Variants in CYS1 observed in about 807,000 individuals in gnomAD.
CYS1 encodes the protein cystin 1.
CYS1 carries 5 observed loss-of-function variants against 9.6 expected under a neutral mutation model. The observed-to-expected ratio is 0.52, with a 90% CI of 0.27 to 1.10. CYS1 has a LOEUF of 1.10. Among genes scored for constraint, CYS1 ranks in the 50% least tolerant of loss-of-function variants. The probability of loss-of-function intolerance (pLI) is 0.11; values close to 1 mark genes in which losing one functional copy is unlikely to be tolerated. For missense variants in CYS1, 221 were observed against 207.9 expected (o/e 1.06, Z -0.39); for synonymous variants, 88 against 95.7 (o/e 0.92, Z 0.47).
intron 1 of CYS1, among the ~76,000 whole-genome samples, chr2:10,073,303 G>A (rs1222687520): frequency 6.6e-6 from 1 of 150,612 alleles, no homozygotes; most frequent in Non-Finnish European, 1.5e-5. Context: ...AAGCCACAGG[G>A]AAAAAGGCAA....
chr2:10,073,803 A>T (rs562210585), intron 1 of CYS1, among the ~76,000 whole-genome samples: 3 of 152,168 alleles, frequency 2.0e-5, no homozygotes, highest in African/African-American at 7.2e-5. Flanking sequence ...TTTCCACGGC[A>T]TTTCTACACC....
chr2:10,079,264 G>T (rs1407086876), intron 1 of CYS1, among the ~76,000 whole-genome samples: 1 of 152,016 alleles, frequency 6.6e-6, no homozygotes, highest in African/African-American at 2.4e-5. Context: ...AAGCCTCCCG[G>T]GCCTCAGGGA....
At chr2:10,078,348 G>A (rs1661888772) in intron 1 of CYS1, among the ~76,000 whole-genome samples, 1 of 152,144 alleles carries the variant, frequency 6.6e-6, no homozygotes, top group Non-Finnish European at 1.5e-5. Context: ...AGTTGTCGGT[G>A]TGACGTTCCT....
intron 1 of CYS1, among the ~76,000 whole-genome samples, chr2:10,078,271 C>A (rs981204856): frequency 1.3e-5 from 2 of 152,172 alleles, no homozygotes; most frequent in Admixed American, 1.3e-4. Context: ...ATTGCAGACT[C>A]CCCCACCCAC....
intron 2 of CYS1, among the ~76,000 whole-genome samples, chr2:10,062,659 T>A (rs1661643354): frequency 6.6e-6 from 1 of 152,186 alleles, no homozygotes; most frequent in African/African-American, 2.4e-5. Context: ...CACCTCAGCC[T>A]CCCAAAGTGC....
intron 1 of CYS1, among the ~76,000 whole-genome samples, chr2:10,072,478 C>T (rs1053605947): frequency 1.3e-5 from 2 of 152,236 alleles, no homozygotes; most frequent in African/African-American, 4.8e-5. Flanking sequence ...CTTCCATTAA[C>T]TCTTAATTTT....
intron 1 of CYS1, among the ~76,000 whole-genome samples, chr2:10,079,594 G>T (rs1661909384): frequency 6.6e-6 from 1 of 151,918 alleles, no homozygotes; most frequent in Non-Finnish European, 1.5e-5. Context: ...CCCGCTCCAG[G>T]GCGGCCCGGG....
intron 1 of CYS1, among the ~76,000 whole-genome samples, chr2:10,070,890 C>A (rs565754878): frequency 3.9e-5 from 6 of 152,198 alleles, no homozygotes; most frequent in Non-Finnish European, 5.9e-5. Context: ...GCGATCCCCC[C>A]ACCTCGGCCT....
intron 1 of CYS1, among the ~76,000 whole-genome samples, chr2:10,068,759 G>T (rs79075836): frequency 0.03 from 4,571 of 152,248 alleles, 220 homozygotes; most frequent in African/African-American, 0.1. Context: ...ATTTAAAGGG[G>T]GAGGGCACAT....
At chr2:10,071,264 G>A (rs1412360458) in intron 1 of CYS1, among the ~76,000 whole-genome samples, 1 of 152,204 alleles carries the variant, frequency 6.6e-6, no homozygotes, top group South Asian at 2.1e-4. Flanking sequence ...ACCGTGCCCG[G>A]CTCTGAGAAC....
rs1229738732 is a variant in CYS1, at chr2:10,063,681, C to T, written c.371+2223G>A. Among the ~76,000 whole-genome samples, 1 of 152,132 alleles carries T rather than the reference C, an allele frequency of 6.6e-6. No individual in the cohort carries two copies. Among genetic ancestry groups the T allele is most frequent in the Non-Finnish European group, 1.5e-5 (1 of 68,024 alleles). On this transcript the variant is annotated intron_variant, in intron 2 of 2. Coordinates refer to ENST00000381813, the MANE Select transcript of CYS1 (RefSeq NM_001037160.3). This position sits in a 1 kb window ranked among gnomAD's most constrained non-coding sequence, Gnocchi z 4.2. ...AGCCACAGGGTGAGGCACTGGTACCCAAGAGCTGCACGCTGGGGGGCTGAG... is the reference window on the plus strand; with the variant it reads ...AGCCACAGGGTGAGGCACTGGTACCTAAGAGCTGCACGCTGGGGGGCTGAG...
At position 10,080,017 on chromosome 2, in the gene CYS1, C is replaced by G; in HGVS notation, c.207G>C (p.Glu69Asp). The change falls in exon 1 of 3, where the codon GAG becomes GAC. Residue 69 changes from glutamate (E) to aspartate (D), a missense_variant. Glu to Asp is a conservative substitution (Grantham distance 45). Coordinates refer to ENST00000381813, the MANE Select transcript of CYS1 (RefSeq NM_001037160.3). The surrounding 1 kb of genome is among the most constrained non-coding windows in gnomAD (Gnocchi z 6.4). Reference sequence around the variant, plus strand: ...GCAGCTCGTCCAGCAGGCGCAGCGTCTCGTCCCTGCCGTCGGGGGGCGCCA... The same window carrying G: ...GCAGCTCGTCCAGCAGGCGCAGCGTGTCGTCCCTGCCGTCGGGGGGCGCCA... The part of the protein sequence containing the change: ...SPVAPPDGRD[E>D]TLRLLDELLA... 1.9e-6 allele frequency: 2 copies of G among 1,077,510 alleles called. No homozygotes were observed. The highest frequency in any genetic ancestry group is 4.3e-5 in the South Asian group (1 of 23,052). 66.7% of individuals were successfully genotyped at this position (1,077,510 alleles called of 1,614,324 possible).
intron 1 of CYS1, among the ~76,000 whole-genome samples, chr2:10,067,648 C>A (rs1490814963): frequency 6.6e-6 from 1 of 152,098 alleles, no homozygotes. Flanking sequence ...CTCAAACAAT[C>A]CTCCCATCTC....
chr2:10,071,396 C>G (rs1465807996), intron 1 of CYS1, among the ~76,000 whole-genome samples: 1 of 152,228 alleles, frequency 6.6e-6, no homozygotes, highest in Non-Finnish European at 1.5e-5. Context: ...CTTGGAATGC[C>G]TGGCGTAGGG....
chr2:10,059,297 C>T lies in CYS1; in HGVS notation c.372-339G>A, dbSNP rs548406149. Reference sequence around the variant, plus strand: ...GCAAGGCCAGTGTGTCTCCGAGCCTCGGTGTTTTTTCTCAAGCACGTAACT... The same window carrying T: ...GCAAGGCCAGTGTGTCTCCGAGCCTTGGTGTTTTTTCTCAAGCACGTAACT... On this transcript the variant is annotated intron_variant, in intron 2 of 2. Coordinates refer to ENST00000381813, the MANE Select transcript of CYS1 (RefSeq NM_001037160.3). Among the ~76,000 whole-genome samples, 11 of 152,378 alleles carry T rather than the reference C, an allele frequency of 7.2e-5. No homozygotes were observed. In the South Asian group the frequency reaches 1.4e-3, roughly 20 times the overall value.
chr2:10,058,419 A>G lies in CYS1; in HGVS notation c.*434T>C. On this transcript the variant is annotated 3_prime_UTR_variant, in exon 3 of 3. Coordinates refer to ENST00000381813, the MANE Select transcript of CYS1 (RefSeq NM_001037160.3). ...CCCTGGAGAGATGGGCCCGAGACTG[A>G]GGGAGCAGCGCGGGTGCACCTTCCA... 1 of 159,358 alleles carries G rather than the reference A, an allele frequency of 6.3e-6. No homozygotes were observed. The highest frequency in any genetic ancestry group is 1.4e-5 in the Non-Finnish European group (1 of 72,592). The allele number at this position is 159,358 out of a possible 1,614,324, so 9.9% of individuals were successfully genotyped here. A position where few individuals can be genotyped will look rare whatever the true frequency, so the allele number is the denominator to read the frequency against.
intron 2 of CYS1, among the ~76,000 whole-genome samples, chr2:10,062,908 G>T (rs776038410): frequency 1.1e-4 from 16 of 152,204 alleles, no homozygotes; most frequent in Non-Finnish European, 2.2e-4. Flanking sequence ...GCTGCAGACA[G>T]AAGTTTCTAG....
At chr2:10,077,050 C>T (rs1661853608) in intron 1 of CYS1, among the ~76,000 whole-genome samples, 1 of 152,188 alleles carries the variant, frequency 6.6e-6, no homozygotes, top group Non-Finnish European at 1.5e-5. Flanking sequence ...CAGCTACATC[C>T]CTCCAGCTGC....
intron 1 of CYS1, among the ~76,000 whole-genome samples, chr2:10,075,666 G>A (rs969993715): frequency 8.5e-5 from 13 of 152,114 alleles, no homozygotes; most frequent in Non-Finnish European, 1.3e-4. Context: ...TCCTGGCTGG[G>A]GTAACAGGCA....
Sources: gnomAD v4.1 joint callset for allele counts (sites outside exome capture counted in the v4.1 genomes callset) on GRCh38, gnomAD v4.1.1 for gene constraint, Gnocchi (gnomAD v3.1) non-coding constraint, MANE v1.5 for transcripts, NCBI Gene and HGNC (gene_info 2026-07-23, HGNC 2026-07-21) for gene names.